The following PTPRK variants were observed in gnomAD, a reference collection of about 807,000 sequenced individuals.
PTPRK encodes protein tyrosine phosphatase receptor type K, also known as receptor-type tyrosine-protein phosphatase kappa.
A neutral mutation model predicts 178.0 loss-of-function variants in PTPRK; 75 were observed. That is an observed-to-expected ratio of 0.42 (90% confidence interval 0.35 to 0.51). The LOEUF is 0.51. Ranked by LOEUF, PTPRK falls within the 20% of genes least tolerant of loss-of-function variation. The probability of loss-of-function intolerance (pLI) is 0.02; values close to 1 mark genes in which losing one functional copy is unlikely to be tolerated. For missense variants in PTPRK, 1,441 were observed against 1,797.8 expected (o/e 0.80, Z 3.59); for synonymous variants, 637 against 620.6 (o/e 1.03, Z -0.39).
At chr6:128,248,627 T>C (rs1181542979) in intron 3 of PTPRK, among the ~76,000 whole-genome samples, 1 of 152,174 alleles carries the variant, frequency 6.6e-6, no homozygotes, top group Non-Finnish European at 1.5e-5. Context: ...TGCCCCTTAT[T>C]TGTGCCATTG....
At chr6:128,156,067 A>G (rs1005135536) in intron 7 of PTPRK, among the ~76,000 whole-genome samples, 2 of 151,912 alleles carry the variant, frequency 1.3e-5, no homozygotes, top group Non-Finnish European at 2.9e-5. Flanking sequence ...TTACAACTTA[A>G]ATTTTATAGT....
rs201737649 is a variant in PTPRK at position 128,204,656 on chromosome 6, G to GAA, written c.868+14264_868+14265dup. Among the ~76,000 whole-genome samples, 750 of 138,686 alleles carry GAA rather than the reference G, an allele frequency of 5.4e-3. 2 individuals are homozygous for GAA. Among genetic ancestry groups the GAA allele is most frequent in the African/African-American group, 0.018 (709 of 38,402 alleles). The allele number at this position is 138,686 out of a possible 152,430, so 91.0% of individuals were successfully genotyped here. A position where few individuals can be genotyped will look rare whatever the true frequency, so the allele number is the denominator to read the frequency against. On this transcript the variant is annotated intron_variant, in intron 6 of 29. Transcript: ENST00000368226. Reference sequence around the variant, plus strand: ...AGACATATAGGCAGCCAACAAACATGAAAAAAAAAAAAGATCAACATCACT... The same window carrying GAA: ...AGACATATAGGCAGCCAACAAACATGAAAAAAAAAAAAAAGATCAACATCACT...
intron 1 of PTPRK, among the ~76,000 whole-genome samples, chr6:128,437,668 A>C (rs976921385): frequency 4.6e-5 from 7 of 152,238 alleles, no homozygotes; most frequent in African/African-American, 1.7e-4. Context: ...GTGTAGAATA[A>C]AGATGTTCTT....
intron 2 of PTPRK, among the ~76,000 whole-genome samples, chr6:128,339,133 T>C (rs955314375): frequency 2.6e-5 from 4 of 152,180 alleles, no homozygotes; most frequent in African/African-American, 9.7e-5. Context: ...TGTAGCAATC[T>C]GATTACAAAC....
At chr6:128,336,967 C>T (rs1021317346) in intron 2 of PTPRK, among the ~76,000 whole-genome samples, 1 of 152,072 alleles carries the variant, frequency 6.6e-6, no homozygotes, top group African/African-American at 2.4e-5. Context: ...CCATAAAAAC[C>T]TTGCCATGCT....
chr6:128,437,833 GA>G (rs151184193), intron 1 of PTPRK, among the ~76,000 whole-genome samples: 4,049 of 152,294 alleles, frequency 0.027, 160 homozygotes, highest in African/African-American at 0.093. Context: ...ATGTGGAATT[GA>G]AACAGCTCCC....
At chr6:128,039,897 T>G (rs1034843542) in intron 13 of PTPRK, among the ~76,000 whole-genome samples, 1 of 152,160 alleles carries the variant, frequency 6.6e-6, no homozygotes, top group Non-Finnish European at 1.5e-5. Context: ...GTCCCAATAT[T>G]TAGCGCCTGG....
intron 1 of PTPRK, among the ~76,000 whole-genome samples, chr6:128,418,141 A>G (rs1173468470): frequency 6.6e-6 from 1 of 152,358 alleles, no homozygotes; most frequent in Non-Finnish European, 1.5e-5. Flanking sequence ...AGGTCTAACC[A>G]TCTAAAATCC....
chr6:128,249,956 A>G (rs572195721), intron 3 of PTPRK, among the ~76,000 whole-genome samples: 1 of 152,308 alleles, frequency 6.6e-6, no homozygotes, highest in South Asian at 2.1e-4. Flanking sequence ...GGAGGGACCC[A>G]GTGAGAGGTA....
At chr6:128,209,891 C>T (rs939343981) in intron 6 of PTPRK, among the ~76,000 whole-genome samples, 3 of 152,032 alleles carry the variant, frequency 2.0e-5, no homozygotes, top group African/African-American at 7.2e-5. Flanking sequence ...AGGGGGTGAG[C>T]CCAGCTAAAA....
rs199569070 is a variant in PTPRK, at chr6:127,973,654, C to T, written c.4133+10G>A. 3.7e-5 allele frequency: 60 copies of T among 1,612,730 alleles called. No individual in the cohort carries two copies. The highest frequency in any genetic ancestry group is 4.9e-5 in the Non-Finnish European group (58 of 1,179,676). On this transcript the variant is annotated intron_variant, in intron 28 of 29. Transcript: ENST00000368226. ...GCCCCATGAATGACAGGCTGAGCTG[C>T]CCTACTCACAGGCAGTGGATAATCG...
intron 7 of PTPRK, among the ~76,000 whole-genome samples, chr6:128,156,263 T>C (rs574785290): frequency 6.6e-6 from 1 of 151,986 alleles, no homozygotes; most frequent in African/African-American, 2.4e-5. Flanking sequence ...GCTTTGATAA[T>C]AATCTGGAGA....
At chr6:128,028,434 G>T (rs1774697730) in intron 13 of PTPRK, among the ~76,000 whole-genome samples, 1 of 152,170 alleles carries the variant, frequency 6.6e-6, no homozygotes, top group Non-Finnish European at 1.5e-5. Context: ...GAGTCTTACA[G>T]CCCTTTCTCA....
intron 2 of PTPRK, among the ~76,000 whole-genome samples, chr6:128,337,036 T>TA: frequency 6.6e-6 from 1 of 152,284 alleles, no homozygotes; most frequent in East Asian, 1.9e-4. Context: ...TGGTTCATAA[T>TA]AATAATAAAA....
intron 3 of PTPRK, among the ~76,000 whole-genome samples, chr6:128,310,295 G>A (rs1472654938): frequency 6.6e-6 from 1 of 152,108 alleles, no homozygotes; most frequent in African/African-American, 2.4e-5. Context: ...AGCTCTCTCT[G>A]AACTAGAGTG....
At chr6:128,091,419 G>A (rs1391908823) in intron 7 of PTPRK, among the ~76,000 whole-genome samples, 3 of 152,118 alleles carry the variant, frequency 2.0e-5, no homozygotes, top group Non-Finnish European at 4.4e-5. Context: ...CAGTTAGACC[G>A]AAAACACAGT....
At chr6:128,000,281 G>A in intron 15 of PTPRK, 1 of 1,286,326 alleles carries the variant, frequency 7.8e-7, no homozygotes, top group Non-Finnish European at 1.0e-6. Flanking sequence ...TCTACAAATA[G>A]GATATAGCAA....
Position 128,184,605 on chromosome 6 carries a change from T to C in PTPRK, c.989A>G (p.Tyr330Cys). ...TGTCCAGGATCCTGATGTCATTCGG[T>C]ACTCTACTTCTTTCAGGATGATAGG... ...DGPIILKEVE[Y>C]RMTSGSWTET... The change falls in exon 7 of 30, where the codon TAC becomes TGC. Residue 330 changes from tyrosine to cysteine, a missense_variant. By Grantham distance (194) the Tyr-to-Cys change is radical (BLOSUM62 -2). Coordinates refer to ENST00000368226, the MANE Select transcript of PTPRK (RefSeq NM_002844.4). 1.2e-6 allele frequency: 2 copies of C among 1,614,052 alleles called. No individual in the cohort carries two copies. The highest frequency in any genetic ancestry group is 1.1e-5 in the South Asian group (1 of 91,082).
intron 29 of PTPRK, among the ~76,000 whole-genome samples, 166 bp downstream of exon 29, chr6:127,972,856 T>TG (rs1774086867): frequency 6.6e-6 from 1 of 152,134 alleles, no homozygotes; most frequent in South Asian, 2.1e-4. Context: ...TAAGTGTCTG[T>TG]GGGTAGAGGG....
Sources: gnomAD v4.1 joint callset for allele counts (sites outside exome capture counted in the v4.1 genomes callset) on GRCh38, gnomAD v4.1.1 for gene constraint, MANE v1.5 for transcripts, NCBI Gene and HGNC (gene_info 2026-07-23, HGNC 2026-07-21) for gene names.